RAPGEF6: variants seen among roughly 807,000 people sequenced by gnomAD.
RAPGEF6 encodes the protein PDZ domain containing guanine nucleotide exchange factor (GEF) 2.
In RAPGEF6, 56 loss-of-function variants were observed where a neutral mutation model predicts 171.4. That is an observed-to-expected ratio of 0.33 (90% CI 0.26 to 0.41). The LOEUF (loss-of-function observed/expected upper bound fraction) is 0.41. Ranked by LOEUF, RAPGEF6 falls within the 10% of genes least tolerant of loss-of-function variation. The pLI is 1.00. For missense variants in RAPGEF6, 1,674 were observed against 1,921.4 expected (o/e 0.87, Z 2.41); for synonymous variants, 692 against 650.1 (o/e 1.06, Z -0.98).
At chr5:131,598,874 G>T (rs1008355477) in intron 3 of RAPGEF6, among the ~76,000 whole-genome samples, 3 of 152,186 alleles carry the variant, frequency 2.0e-5, no homozygotes, top group Non-Finnish European at 4.4e-5. Context: ...GTGTATAACT[G>T]TGTGTGGAAA....
At chr5:131,581,371 G>A (rs1341540977) in intron 4 of RAPGEF6, among the ~76,000 whole-genome samples, 3 of 152,102 alleles carry the variant, frequency 2.0e-5, no homozygotes, top group African/African-American at 7.2e-5. Flanking sequence ...TCTTCCAATT[G>A]TTAGTCCTCT....
At position 131,600,454 on chromosome 5, in the gene RAPGEF6, G is replaced by A. The variant is rs1288949381; in HGVS notation, c.197+2817C>T. On this transcript the variant is annotated intron_variant, in intron 3 of 27. Transcript: ENST00000509018. ...GGAGAATCGTATGAACCCAGGAGGCGGAGGTTGTAGTAAGCCGAGATCGCG... is the reference window on the plus strand; with the variant it reads ...GGAGAATCGTATGAACCCAGGAGGCAGAGGTTGTAGTAAGCCGAGATCGCG... Among the ~76,000 whole-genome samples the A allele has an allele frequency of 2.6e-5, 4 of 151,526 alleles. No individual in the cohort carries two copies. In the South Asian group the frequency reaches 6.3e-4, roughly 24 times the overall value.
intron 1 of RAPGEF6, among the ~76,000 whole-genome samples, chr5:131,633,375 C>T (rs1561625366): frequency 6.6e-6 from 1 of 152,014 alleles, no homozygotes; most frequent in Non-Finnish European, 1.5e-5. Flanking sequence ...AATAATTCTG[C>T]TGTTAAAGAG....
intron 6 of RAPGEF6, among the ~76,000 whole-genome samples, chr5:131,524,985 A>G (rs897774098): frequency 2.0e-5 from 3 of 152,206 alleles, no homozygotes; most frequent in Non-Finnish European, 2.9e-5. Context: ...ATCACACTGT[A>G]CCCCATAAAT....
chr5:131,503,569 A>C (rs986475752), intron 11 of RAPGEF6, among the ~76,000 whole-genome samples: 1 of 152,252 alleles, frequency 6.6e-6, no homozygotes, highest in African/African-American at 2.4e-5. Context: ...ACTTCAAATT[A>C]TCTCTCTGAT....
intron 1 of RAPGEF6, among the ~76,000 whole-genome samples, chr5:131,618,628 ACT>A (rs1765417778): frequency 6.6e-6 from 1 of 152,178 alleles, no homozygotes; most frequent in South Asian, 2.1e-4. Flanking sequence ...ACAAAGGGAG[ACT>A]CTGTCTCAAA....
chr5:131,564,750 A>G (rs1001241891), intron 4 of RAPGEF6, among the ~76,000 whole-genome samples: 1 of 152,236 alleles, frequency 6.6e-6, no homozygotes, highest in Non-Finnish European at 1.5e-5. Flanking sequence ...AGCTATTGCT[A>G]TGTGTGTTTT....
intron 13 of RAPGEF6, among the ~76,000 whole-genome samples, chr5:131,494,660 C>T (rs1368981950): frequency 6.6e-6 from 1 of 152,102 alleles, no homozygotes; most frequent in Admixed American, 6.5e-5. Flanking sequence ...GTATAGATTA[C>T]TGACAAAGAA....
Position 131,442,270 on chromosome 5 carries a change from A to G in RAPGEF6, c.3610+79T>C, listed in dbSNP as rs1752433870. 5.2e-6 allele frequency: 7 copies of G among 1,350,164 alleles called. No homozygotes were observed. In the South Asian group the frequency reaches 1.0e-4, roughly 20 times the overall value. The allele number at this position is 1,350,164 out of a possible 1,614,324, so 83.6% of individuals were successfully genotyped here. The stretch of plus-strand genomic sequence containing the variant: ...ACAACCTACAACAGCTTATCTCCTG[A>G]ACATCTGTAATTATTTTTCACTCTA... On this transcript the variant is annotated intron_variant, in intron 23 of 27. Transcript: ENST00000509018.
intron 27 of RAPGEF6, among the ~76,000 whole-genome samples, chr5:131,428,685 C>T (rs1477972580): frequency 6.6e-6 from 1 of 152,024 alleles, no homozygotes; most frequent in Non-Finnish European, 1.5e-5. Flanking sequence ...TGGTCAGGAA[C>T]TCCCGACCTC....
intron 21 of RAPGEF6, among the ~76,000 whole-genome samples, chr5:131,449,526 C>T (rs1266847421): frequency 6.6e-6 from 1 of 152,088 alleles, no homozygotes; most frequent in Middle Eastern, 3.2e-3. Context: ...GATATATTTA[C>T]TTTTATAAAA....
chr5:131,473,894 CAG>C (rs1231105152), intron 16 of RAPGEF6, among the ~76,000 whole-genome samples: 1 of 152,092 alleles, frequency 6.6e-6, no homozygotes, highest in Non-Finnish European at 1.5e-5. Flanking sequence ...CAGGATATGA[CAG>C]AGCTGAAGAG....
intron 1 of RAPGEF6, among the ~76,000 whole-genome samples, chr5:131,632,698 C>T (rs1766389060): frequency 6.6e-6 from 1 of 152,096 alleles, no homozygotes. Flanking sequence ...TCATAATAGA[C>T]CCTTGGGAGT....
intron 14 of RAPGEF6, among the ~76,000 whole-genome samples, chr5:131,490,594 G>A (rs562936987): frequency 6.6e-6 from 1 of 152,278 alleles, no homozygotes; most frequent in South Asian, 2.1e-4. Flanking sequence ...AAAGAGTTTG[G>A]ACTTCTCTTG....
chr5:131,491,413 T>C (rs1205238500), intron 14 of RAPGEF6, among the ~76,000 whole-genome samples: 1 of 152,220 alleles, frequency 6.6e-6, no homozygotes, highest in African/African-American at 2.4e-5. Context: ...AAAGCCACAT[T>C]CTAAAATGAA....
chr5:131,549,906 C>T (rs539455148), intron 5 of RAPGEF6, among the ~76,000 whole-genome samples: 41 of 152,176 alleles, frequency 2.7e-4, no homozygotes, highest in African/African-American at 9.4e-4. Flanking sequence ...TGTGTTGTTC[C>T]CCTCTATGTG....
At chr5:131,535,805 TTC>T (rs749823222) in intron 6 of RAPGEF6, among the ~76,000 whole-genome samples, 11 of 152,172 alleles carry the variant, frequency 7.2e-5, no homozygotes, top group Non-Finnish European at 1.6e-4. Flanking sequence ...AAAGATAAGG[TTC>T]TGATAGTTAC....
intron 7 of RAPGEF6, among the ~76,000 whole-genome samples, chr5:131,512,563 A>G (rs1452058781): frequency 6.6e-6 from 1 of 152,122 alleles, no homozygotes; most frequent in Admixed American, 6.5e-5. Flanking sequence ...TCCTAAGACC[A>G]TGTCTTATAC....
intron 18 of RAPGEF6, 58 bp from the exon 19 acceptor site, chr5:131,462,146 CT>C: frequency 8.1e-7 from 1 of 1,241,592 alleles, no homozygotes; most frequent in East Asian, 2.8e-5. Flanking sequence ...AATAAGAGCA[CT>C]TTTCCTTTTT....
Sources: allele counts gnomAD v4.1 joint callset (sites outside exome capture counted in the v4.1 genomes callset), GRCh38; gene constraint gnomAD v4.1.1; transcripts MANE v1.5; gene names NCBI Gene and HGNC (gene_info 2026-07-23, HGNC 2026-07-21).